The following KIAA1755 variants were observed in gnomAD, a reference collection of about 807,000 sequenced individuals.
KIAA1755 encodes uncharacterized protein KIAA1755.
Under a neutral mutation model 91.7 loss-of-function variants are expected in KIAA1755, and 68 were observed. That is an observed-to-expected ratio of 0.74 (90% CI 0.61 to 0.91). KIAA1755 has a LOEUF of 0.91. Ranked by LOEUF, KIAA1755 falls within the 40% of genes least tolerant of loss-of-function variation. The probability of loss-of-function intolerance (pLI) is 0.00; values close to 1 mark genes in which losing one functional copy is unlikely to be tolerated. For missense variants in KIAA1755, 1,535 were observed against 1,494.4 expected (o/e 1.03, Z -0.45); for synonymous variants, 610 against 604.6 (o/e 1.01, Z -0.13).
At position 38,259,820 on chromosome 20, in the gene KIAA1755, C is replaced by CACACACA. The variant is rs367702495; in HGVS notation, c.3+677_3+678insTGTGTGT. ...AAACGCATCCCTGCCACCACCACCACCACACACACACACACACACACACAC... is the reference window on the plus strand; with the variant it reads ...AAACGCATCCCTGCCACCACCACCACACACACACACACACACACACACACACACACAC... On this transcript the variant is annotated intron_variant, in intron 1 of 13. Coordinates refer to ENST00000279024, the MANE Select transcript of KIAA1755 (RefSeq NM_001029864.2). Among the ~76,000 whole-genome samples, 980 of 138,760 alleles carry CACACACA rather than the reference C, an allele frequency of 7.1e-3. 9 individuals carry two copies. The highest frequency in any genetic ancestry group is 0.029 in the East Asian group (138 of 4,700). 91.0% of individuals were successfully genotyped at this position (138,760 alleles called of 152,430 possible). A position where few individuals can be genotyped will look rare whatever the true frequency, so the allele number is the denominator to read the frequency against.
At chr20:38,249,761 G>A (rs978108058) in intron 1 of KIAA1755, among the ~76,000 whole-genome samples, 13 of 152,004 alleles carry the variant, frequency 8.6e-5, no homozygotes, top group African/African-American at 2.4e-4. Flanking sequence ...GCAGAACAGG[G>A]AAGGTCTCAT....
chr20:38,214,382 C>G (rs925621827), intron 13 of KIAA1755, among the ~76,000 whole-genome samples: 1 of 152,202 alleles, frequency 6.6e-6, no homozygotes, highest in East Asian at 1.9e-4. Context: ...AAATTCCTCT[C>G]CATGGTTGTA....
chr20:38,233,006 C>T (rs796650694), intron 4 of KIAA1755, among the ~76,000 whole-genome samples: 23 of 152,108 alleles, frequency 1.5e-4, no homozygotes, highest in African/African-American at 5.3e-4. Flanking sequence ...CCTGCAGTCC[C>T]AGCTGCTCAG....
intron 6 of KIAA1755, among the ~76,000 whole-genome samples, 184 bp from the exon 7 acceptor site, chr20:38,227,424 T>C (rs943943019): frequency 1.2e-4 from 19 of 152,256 alleles, no homozygotes; most frequent in Non-Finnish European, 4.4e-5. Context: ...TTAGAAGTCA[T>C]GAGAGCAGCA....
chr20:38,253,758 T>C (rs2076292008), intron 1 of KIAA1755, among the ~76,000 whole-genome samples: 1 of 152,256 alleles, frequency 6.6e-6, no homozygotes, highest in Non-Finnish European at 1.5e-5. Flanking sequence ...CCAGCTTGTA[T>C]AGCTTTTATA....
At chr20:38,245,782 C>A in intron 2 of KIAA1755, 147 bp downstream of exon 2, 1 of 683,922 alleles carries the variant, frequency 1.5e-6, no homozygotes. Context: ...TCCCCCTGGG[C>A]AAGCAATGAT....
intron 9 of KIAA1755, chr20:38,222,863 C>G (rs1034812212): frequency 1.1e-5 from 6 of 559,732 alleles, no homozygotes; most frequent in South Asian, 4.0e-5. Context: ...TCTGGCTCCC[C>G]CTACAGTCTG....
chr20:38,213,047 G>A lies in KIAA1755; in HGVS notation c.3598C>T (p.Leu1200Phe), dbSNP rs1600550661. The A allele has an allele frequency of 1.9e-6, 3 of 1,538,810 alleles. No individual in the cohort carries two copies. Among genetic ancestry groups the A allele is most frequent in the Non-Finnish European group, 2.6e-6 (3 of 1,141,284 alleles). ...CGACTGAAGGGGCCTCTCAGCTAGA[G>A]GGAGGCAAGGGGACTTGTCTGGGGT... ...DSPQTSPLAS[L>F] is the part of the protein sequence containing the mutation. The change falls in exon 14 of 14, where the codon CTC becomes TTC. Residue 1200 changes from leucine (L) to phenylalanine (F), a missense_variant. Leu to Phe is a conservative substitution (Grantham distance 22). Coordinates refer to ENST00000279024, the MANE Select transcript of KIAA1755 (RefSeq NM_001029864.2).
chr20:38,253,908 A>C (rs1255400898), intron 1 of KIAA1755, among the ~76,000 whole-genome samples: 1 of 152,124 alleles, frequency 6.6e-6, no homozygotes, highest in Non-Finnish European at 1.5e-5. Context: ...TTCAAGAAAG[A>C]GTTTTGCTCT....
At chr20:38,217,546 C>T in intron 12 of KIAA1755, 72 bp from the exon 13 acceptor site, 7 of 1,088,488 alleles carry the variant, frequency 6.4e-6, no homozygotes, top group Non-Finnish European at 9.3e-6. Flanking sequence ...GGTCAGCAAC[C>T]TCCAGCTGCC....
chr20:38,232,232 A>G (rs1263111503), intron 4 of KIAA1755, among the ~76,000 whole-genome samples: 1 of 152,202 alleles, frequency 6.6e-6, no homozygotes, highest in Non-Finnish European at 1.5e-5. Flanking sequence ...GAAGCCTTGG[A>G]CAAACCTAAC....
intron 10 of KIAA1755, among the ~76,000 whole-genome samples, chr20:38,220,797 C>T (rs1174781901): frequency 6.6e-6 from 1 of 152,236 alleles, no homozygotes; most frequent in Non-Finnish European, 1.5e-5. Flanking sequence ...GCCTCCATTT[C>T]ACAGATGGGA....
chr20:38,251,780 G>T (rs1267846102), intron 1 of KIAA1755, among the ~76,000 whole-genome samples: 2 of 152,064 alleles, frequency 1.3e-5, no homozygotes, highest in Non-Finnish European at 2.9e-5. Flanking sequence ...TGGCCAAGCT[G>T]GTCTTGAACT....
chr20:38,231,097 C>T (rs967273726), intron 5 of KIAA1755, 105 bp downstream of exon 5: 4 of 1,263,410 alleles, frequency 3.2e-6, no homozygotes, highest in Non-Finnish European at 4.4e-6. Flanking sequence ...GAACAGACGA[C>T]TGGATGGAAG....
In KIAA1755 at chr20:38,227,169, T is replaced by C. The variant is rs993587448; in HGVS notation, c.2037A>G (p.Thr679=). 4 of 1,613,678 alleles carry C rather than the reference T, an allele frequency of 2.5e-6. No homozygotes were observed. The African/African-American group carries it at 4.0e-5, about 16-fold the overall frequency. ...GEKEAALQLQ[T]LPDVQVEVLT... ...TCCCCCTCACCTGGACGTCAGGTAA[T>C]GTCTGCAGCTGGAGAGCCGCCTCCT... The change falls in exon 7 of 14, where the codon ACA becomes ACG. Residue 679 remains threonine (T), a synonymous_variant. Transcript: ENST00000279024.
In KIAA1755 at chr20:38,241,437, T is replaced by G; in HGVS notation, c.694A>C (p.Ser232Arg). Residue 232 changes from serine (S) to arginine (R), a missense_variant, in exon 3 of 14, where the codon AGT becomes CGT. Coordinates refer to ENST00000279024, the MANE Select transcript of KIAA1755 (RefSeq NM_001029864.2). ...SPDNQVLPAQ[S>R]LAKGKGRTYG... is the part of the protein sequence containing the mutation. ...GTCCTGCCCTTACCCTTGGCCAAAC[T>G]CTGGGCAGGAAGCACCTGGTTGTCT... 6.2e-7 allele frequency: 1 copy of G among 1,614,152 alleles called. No individual in the cohort carries two copies. The highest frequency in any genetic ancestry group is 8.5e-7 in the Non-Finnish European group (1 of 1,180,032).
rs1385395266 is a variant in KIAA1755 at position 38,223,592 on chromosome 20, C to T, written c.2214G>A (p.Leu738=). Residue 738 remains leucine (L), a synonymous_variant, in exon 9 of 14, where the codon CTG becomes CTA. Coordinates refer to ENST00000279024, the MANE Select transcript of KIAA1755 (RefSeq NM_001029864.2). ...FLADLHQASS[L]LQASIEEFEK... ...CGAATTCCTCGATGGAAGCTTGTAGCAGGGAAGAGGCCTGGTGGAGGTCAG... is the reference window on the plus strand; with the variant it reads ...CGAATTCCTCGATGGAAGCTTGTAGTAGGGAAGAGGCCTGGTGGAGGTCAG... 1 of 1,602,580 alleles carries T rather than the reference C, an allele frequency of 6.2e-7. No homozygotes were observed. Among genetic ancestry groups the T allele is most frequent in the Admixed American group, 1.7e-5 (1 of 58,058 alleles).
At chr20:38,254,381 T>G (rs1486309969) in intron 1 of KIAA1755, among the ~76,000 whole-genome samples, 1 of 151,976 alleles carries the variant, frequency 6.6e-6, no homozygotes, top group East Asian at 1.9e-4. Flanking sequence ...AGGGTGAGAT[T>G]ATGCCCCTGA....
intron 11 of KIAA1755, 63 bp from the exon 12 acceptor site, chr20:38,218,429 C>T: frequency 6.3e-7 from 1 of 1,597,848 alleles, no homozygotes; most frequent in South Asian, 1.1e-5. Context: ...TGTCCAGCTC[C>T]CCCACTTCCT....
Sources: gnomAD v4.1 joint callset for allele counts (sites outside exome capture counted in the v4.1 genomes callset) on GRCh38, gnomAD v4.1.1 for gene constraint, MANE v1.5 for transcripts, NCBI Gene and HGNC (gene_info 2026-07-23, HGNC 2026-07-21) for gene names.